Variants in CCDC30 observed in about 807,000 individuals in gnomAD.
CCDC30 encodes the protein coiled-coil domain containing 30.
CCDC30 carries 70 observed loss-of-function variants against 100.2 expected under a neutral mutation model. The observed-to-expected ratio is 0.70, with a 90% CI of 0.58 to 0.85. The LOEUF is 0.85. CCDC30 is among the 40% of genes least tolerant of loss of function. The probability of loss-of-function intolerance (pLI) is 0.00; values close to 1 mark genes in which losing one functional copy is unlikely to be tolerated. For missense variants in CCDC30, 652 were observed against 771.2 expected (o/e 0.85, Z 1.83); for synonymous variants, 233 against 269.5 (o/e 0.86, Z 1.33).
chr1:42,651,143 G>GA (rs1382654718), intron 15 of CCDC30, among the ~76,000 whole-genome samples: 4 of 152,146 alleles, frequency 2.6e-5, no homozygotes, highest in African/African-American at 9.7e-5. Flanking sequence ...CTACATAGGG[G>GA]AAAAACTACA....
chr1:42,609,235 T>G (rs2148638598), intron 10 of CCDC30, among the ~76,000 whole-genome samples: 1 of 152,290 alleles, frequency 6.6e-6, no homozygotes, highest in East Asian at 1.9e-4. Context: ...AATTTTGTGA[T>G]GATCCACTTC....
intron 11 of CCDC30, among the ~76,000 whole-genome samples, chr1:42,630,984 T>C (rs553242495): frequency 3.3e-5 from 5 of 152,292 alleles, no homozygotes; most frequent in East Asian, 3.9e-4. Flanking sequence ...GTTTAGTTCA[T>C]TTGGTGAGAT....
intron 11 of CCDC30, among the ~76,000 whole-genome samples, chr1:42,616,186 G>A (rs1287721389): frequency 6.6e-6 from 1 of 152,184 alleles, no homozygotes; most frequent in Non-Finnish European, 1.5e-5. Context: ...AAAGTGCTGG[G>A]ATTACAGGCA....
At chr1:42,514,493 TACTG>T (rs1182323069) in intron 6 of CCDC30, among the ~76,000 whole-genome samples, 1 of 152,242 alleles carries the variant, frequency 6.6e-6, no homozygotes, top group Non-Finnish European at 1.5e-5. Context: ...TGACTAATGA[TACTG>T]AGTATCTGCC....
At chr1:42,650,192 T>C (rs1268293449) in intron 15 of CCDC30, among the ~76,000 whole-genome samples, 1 of 151,858 alleles carries the variant, frequency 6.6e-6, no homozygotes, top group African/African-American at 2.4e-5. Flanking sequence ...GATTTCAAAC[T>C]ATATTACAGG....
At chr1:42,637,992 A>G (rs1303459129) in intron 12 of CCDC30, among the ~76,000 whole-genome samples, 2 of 152,056 alleles carry the variant, frequency 1.3e-5, no homozygotes, top group Non-Finnish European at 2.9e-5. Flanking sequence ...AATATTGAGA[A>G]CTCTATCATC....
intron 8 of CCDC30, chr1:42,580,972 G>T (rs192102297): frequency 2.4e-6 from 1 of 425,042 alleles, no homozygotes; most frequent in African/African-American, 2.1e-5. Flanking sequence ...CTGAGTAGCT[G>T]GGACTACAGG....
At chr1:42,590,553 C>A (rs112521459) in intron 10 of CCDC30, 19,614 of 152,158 alleles carry the variant, frequency 0.13, 1,459 homozygotes, top group East Asian at 0.17. Context: ...CCAGCCTGGG[C>A]AACATAGTGA....
At position 42,642,711 on chromosome 1, in the gene CCDC30, C is replaced by A. The variant is rs534912049; in HGVS notation, c.1556+102C>A. ...GACTGTCCTTTGAGTTTGTAGCCTACCCTATGACTCTCGCTCCGCTGTCTG... is the reference window on the plus strand; with the variant it reads ...GACTGTCCTTTGAGTTTGTAGCCTAACCTATGACTCTCGCTCCGCTGTCTG... On this transcript the variant is annotated intron_variant, in intron 13 of 16. Coordinates refer to ENST00000668663, the Ensembl canonical transcript of CCDC30. The A allele has an allele frequency of 1.3e-4, 148 of 1,126,814 alleles. 1 individual carries two copies. In the South Asian group the frequency reaches 2.7e-3, roughly 20 times the overall value. The allele number at this position is 1,126,814 out of a possible 1,614,324, so 69.8% of individuals were successfully genotyped here.
At chr1:42,507,127 G>A (rs1813507) in intron 6 of CCDC30, among the ~76,000 whole-genome samples, 60,696 of 151,864 alleles carry the variant, frequency 0.4, 12,710 homozygotes, top group East Asian at 0.59. Flanking sequence ...GGGTTTCACC[G>A]TGTTGTTCAG....
chr1:42,587,823 GA>G (rs780350764), intron 9 of CCDC30, among the ~76,000 whole-genome samples: 3 of 152,174 alleles, frequency 2.0e-5, no homozygotes, highest in Non-Finnish European at 4.4e-5. Context: ...GAAATCCTCA[GA>G]AAACTCTTTT....
rs781556163 is a variant in CCDC30 at position 42,566,293 on chromosome 1, T to G, written c.457-3T>G. ...TGTTTCTCTTTTAAAATGTTTGCTT[T>G]AGCATCCATCATCTGGAGAAAAACT... is the stretch of plus-strand genomic sequence containing the variant. On this transcript the variant is annotated splice_region_variant and splice_polypyrimidine_tract_variant and intron_variant, in intron 6 of 16. Transcript: ENST00000668663. 1 of 1,611,064 alleles carries G rather than the reference T, an allele frequency of 6.2e-7. No homozygotes were observed. The highest frequency in any genetic ancestry group is 1.7e-5 in the Admixed American group (1 of 59,816).
exon 3 of CCDC30, chr1:42,482,687 G>C: frequency 8.1e-7 from 1 of 1,233,874 alleles, no homozygotes; most frequent in Non-Finnish European, 1.0e-6. Context: ...CCTGGAAAAA[G>C]ACAAAACATC....
rs114011219 is a variant in CCDC30 at position 42,511,256 on chromosome 1, G to A, written c.456+12340G>A. Among the ~76,000 whole-genome samples the A allele has an allele frequency of 3.7e-3, 563 of 152,176 alleles. 8 individuals are homozygous for A. Among genetic ancestry groups the A allele is most frequent in the African/African-American group, 0.013 (538 of 41,532 alleles). On this transcript the variant is annotated intron_variant, in intron 6 of 16. Coordinates refer to ENST00000668663, the Ensembl canonical transcript of CCDC30. Reference sequence around the variant, plus strand: ...TGGGATTAGTCACGATTACCCATGTGACTCTAGTCCTCCACTTGTGATTTC... The same window carrying A: ...TGGGATTAGTCACGATTACCCATGTAACTCTAGTCCTCCACTTGTGATTTC...
At chr1:42,575,697 G>A (rs993689751) in intron 7 of CCDC30, among the ~76,000 whole-genome samples, 6 of 146,436 alleles carry the variant, frequency 4.1e-5, no homozygotes, top group Non-Finnish European at 9.0e-5. Flanking sequence ...CTGCTTTCTT[G>A]GAATTTAAAG....
At chr1:42,505,440 G>A (rs1569845650) in intron 6 of CCDC30, among the ~76,000 whole-genome samples, 1 of 152,122 alleles carries the variant, frequency 6.6e-6, no homozygotes, top group East Asian at 1.9e-4. Flanking sequence ...AATAACCAAT[G>A]AAACTAGAAT....
intron 3 of CCDC30, among the ~76,000 whole-genome samples, chr1:42,484,654 G>C (rs6686624): frequency 6.6e-6 from 1 of 152,160 alleles, no homozygotes; most frequent in Admixed American, 6.6e-5. Context: ...TCCACTTATA[G>C]CAGAATTTGT....
At chr1:42,541,120 G>A (rs1374499134) in intron 6 of CCDC30, among the ~76,000 whole-genome samples, 1 of 152,210 alleles carries the variant, frequency 6.6e-6, no homozygotes, top group Non-Finnish European at 1.5e-5. Flanking sequence ...CTCAGTTCTA[G>A]AGGCTGGGAA....
chr1:42,612,774 G>A (rs1646649901), intron 11 of CCDC30, among the ~76,000 whole-genome samples: 2 of 152,092 alleles, frequency 1.3e-5, no homozygotes, highest in South Asian at 4.1e-4. Context: ...TTGACCAACA[G>A]TCAGTGCCAA....
Sources: allele counts gnomAD v4.1 joint callset (sites outside exome capture counted in the v4.1 genomes callset), GRCh38; gene constraint gnomAD v4.1.1; transcripts MANE v1.5; gene names NCBI Gene and HGNC (gene_info 2026-07-23, HGNC 2026-07-21).